POU6F2: variants seen among roughly 807,000 people sequenced by gnomAD.
POU6F2 encodes POU domain, class 6, transcription factor 2.
POU6F2 carries 31 observed loss-of-function variants against 71.3 expected under a neutral mutation model. The ratio of observed to expected loss-of-function variants is 0.43; its 90% CI spans 0.33 to 0.59. The LOEUF is 0.59. POU6F2 is among the 20% of genes least tolerant of loss of function. POU6F2 has a pLI of 0.04. For missense variants in POU6F2, 783 were observed against 856.8 expected, an observed-to-expected ratio of 0.91 and a Z score of 1.07; for synonymous variants, 347 against 355.7, an observed-to-expected ratio of 0.98 and a Z score of 0.27.
intron 4 of POU6F2, among the ~76,000 whole-genome samples, chr7:39,281,197 T>C (rs1399139504): frequency 6.6e-6 from 1 of 152,202 alleles, no homozygotes; most frequent in Admixed American, 6.5e-5. Flanking sequence ...TATATACTTG[T>C]GGGGTATAGT....
At chr7:39,190,672 C>T (rs1256695075) in intron 2 of POU6F2, among the ~76,000 whole-genome samples, 34 of 121,524 alleles carry the variant, frequency 2.8e-4, no homozygotes, top group African/African-American at 9.7e-4. Context: ...GAGTCTCGCT[C>T]TGTCACCCAG....
At chr7:39,415,995 C>T (rs944004773) in intron 6 of POU6F2, among the ~76,000 whole-genome samples, 1 of 151,866 alleles carries the variant, frequency 6.6e-6, no homozygotes, top group Non-Finnish European at 1.5e-5. Context: ...CTGGCTGTTC[C>T]GCAGACATGT....
At chr7:39,269,932 A>G (rs1319667783) in intron 4 of POU6F2, among the ~76,000 whole-genome samples, 1 of 152,226 alleles carries the variant, frequency 6.6e-6, no homozygotes, top group African/African-American at 2.4e-5. Flanking sequence ...TGGAATTTCA[A>G]TGTCAGGACT....
intron 1 of POU6F2, among the ~76,000 whole-genome samples, chr7:39,009,682 T>C (rs1169228502): frequency 6.6e-6 from 1 of 152,118 alleles, no homozygotes; most frequent in Non-Finnish European, 1.5e-5. Flanking sequence ...CTCTTATTAT[T>C]TTGAAATACG....
At chr7:39,360,915 C>T (rs529559758) in intron 5 of POU6F2, among the ~76,000 whole-genome samples, 2 of 152,202 alleles carry the variant, frequency 1.3e-5, no homozygotes, top group East Asian at 3.9e-4. Context: ...TGGGTTTTGG[C>T]CGGCTTCTTC....
In POU6F2 at chr7:39,405,169, CGATAA is replaced by C. The variant is rs982952489; in HGVS notation, c.973-1425_973-1421del. On this transcript the variant is annotated intron_variant, in intron 5 of 9. Coordinates refer to ENST00000518318, the MANE Select transcript of POU6F2 (RefSeq NM_001370959.1). ...TTTAGTTATAAATGAATAAAGAAACCGATAAGATAAAGATACCACATTAATGAAAA... is the reference window on the plus strand; with the variant it reads ...TTTAGTTATAAATGAATAAAGAAACCGATAAAGATACCACATTAATGAAAA... 2.6e-4 allele frequency among the ~76,000 whole-genome samples: 39 copies of C among 151,792 alleles called. 2 individuals are homozygous for C. The highest frequency in any genetic ancestry group is 1.2e-4 in the Non-Finnish European group (8 of 67,978).
At position 39,086,366 on chromosome 7, in the gene POU6F2, G is replaced by A. The variant is rs574205908; in HGVS notation, c.277+335G>A. ...GTGAGAATTGGTTAACATTTATTGA[G>A]TAAATATCGACTCGGTTTCAGGTTG... On this transcript the variant is annotated intron_variant, in intron 2 of 9. Transcript: ENST00000518318. Among the ~76,000 whole-genome samples, 3 of 152,252 alleles carry A rather than the reference G, an allele frequency of 2.0e-5. No individual in the cohort carries two copies. The East Asian group carries it at 5.8e-4, about 29-fold the overall frequency.
At chr7:39,326,734 T>C (rs1217451830) in intron 4 of POU6F2, among the ~76,000 whole-genome samples, 1 of 152,232 alleles carries the variant, frequency 6.6e-6, no homozygotes, top group African/African-American at 2.4e-5. Context: ...CATTTTTTTC[T>C]TTAACTCATG....
intron 5 of POU6F2, among the ~76,000 whole-genome samples, chr7:39,346,125 C>A (rs1340668417): frequency 6.6e-6 from 1 of 152,152 alleles, no homozygotes; most frequent in Non-Finnish European, 1.5e-5. Flanking sequence ...TTCAACATTA[C>A]TGGCATTTCA....
At chr7:39,049,045 A>T (rs1167672436) in intron 1 of POU6F2, among the ~76,000 whole-genome samples, 1 of 151,822 alleles carries the variant, frequency 6.6e-6, no homozygotes, top group South Asian at 2.1e-4. Context: ...GTTGGTACTG[A>T]TGTTACCTCT....
chr7:39,286,184 A>G (rs900791410), intron 4 of POU6F2, among the ~76,000 whole-genome samples: 1 of 152,176 alleles, frequency 6.6e-6, no homozygotes, highest in Non-Finnish European at 1.5e-5. Flanking sequence ...ATACGGTCAT[A>G]CATCTATCCC....
intron 2 of POU6F2, among the ~76,000 whole-genome samples, chr7:39,107,039 CTTTTTTTT>C (rs70977458): frequency 7.6e-6 from 1 of 130,912 alleles, no homozygotes; most frequent in Admixed American, 7.9e-5. Context: ...TTCTTTCTTT[CTTTTTTTT>C]TTTTTTTCTT....
chr7:39,148,226 G>A (rs1309670388), intron 2 of POU6F2, among the ~76,000 whole-genome samples: 1 of 152,180 alleles, frequency 6.6e-6, no homozygotes, highest in Non-Finnish European at 1.5e-5. Flanking sequence ...GGCTTTACAA[G>A]TTCAGGTTGG....
At chr7:39,423,660 C>T (rs1314224266) in intron 6 of POU6F2, among the ~76,000 whole-genome samples, 1 of 152,174 alleles carries the variant, frequency 6.6e-6, no homozygotes, top group Non-Finnish European at 1.5e-5. Context: ...TATAACCAAG[C>T]TTATATACTT....
chr7:39,397,408 C>A, intron 5 of POU6F2, among the ~76,000 whole-genome samples: 2 of 143,870 alleles, frequency 1.4e-5, no homozygotes, highest in Admixed American at 7.0e-5. Context: ...TATATATAGA[C>A]AAAAATATAG....
chr7:39,404,890 T>C (rs1787388634), intron 5 of POU6F2: 1 of 152,182 alleles, frequency 6.6e-6, no homozygotes, highest in African/African-American at 2.4e-5. Context: ...CACCTATCCT[T>C]TAAAGACATA....
At chr7:39,385,929 A>G (rs1583565623) in intron 5 of POU6F2, among the ~76,000 whole-genome samples, 1 of 152,022 alleles carries the variant, frequency 6.6e-6, no homozygotes, top group Non-Finnish European at 1.5e-5. Context: ...CCTGGTTAAC[A>G]CAGTGAAACC....
intron 2 of POU6F2, 132 bp downstream of exon 2, chr7:39,086,163 G>A: frequency 1.0e-6 from 1 of 971,602 alleles, no homozygotes; most frequent in Non-Finnish European, 1.5e-6. Context: ...GCATCTTGGA[G>A]GTGCTAAGCC....
intron 2 of POU6F2, among the ~76,000 whole-genome samples, chr7:39,182,166 A>T (rs1793447774): frequency 6.6e-6 from 1 of 152,234 alleles, no homozygotes. Context: ...AAATAATACG[A>T]ATGACACATT....
Sources: gnomAD v4.1 joint callset for allele counts (sites outside exome capture counted in the v4.1 genomes callset) on GRCh38, gnomAD v4.1.1 for gene constraint, MANE v1.5 for transcripts, NCBI Gene and HGNC (gene_info 2026-07-23, HGNC 2026-07-21) for gene names.